Variants in NR1H3 observed in about 807,000 individuals in gnomAD.
NR1H3 encodes the protein nuclear receptor subfamily 1 group H member 3, also known as oxysterols receptor LXR-alpha.
A neutral mutation model predicts 48.1 loss-of-function variants in NR1H3; 19 were observed. The observed-to-expected ratio is 0.40, with a 90% CI of 0.28 to 0.58. NR1H3 has a LOEUF of 0.58. Among genes scored for constraint, NR1H3 ranks in the 20% least tolerant of loss-of-function variants. The pLI is 0.50. For missense variants in NR1H3, 486 were observed against 595.9 expected (o/e 0.82, Z 1.92); for synonymous variants, 232 against 227.3 (o/e 1.02, Z -0.19).
At chr11:47,261,511 CG>C (rs1955865644) in intron 5 of NR1H3, 35 bp from the exon 6 acceptor site, 2 of 1,610,310 alleles carry the variant, frequency 1.2e-6, no homozygotes, top group East Asian at 4.5e-5. Context: ...TCTTGATGTC[CG>C]ACTCAAAGCG....
Position 47,259,893 on chromosome 11 carries a change from C to G in NR1H3, c.146C>G (p.Ser49Cys). 6.2e-7 allele frequency: 1 copy of G among 1,612,802 alleles called. No homozygotes were observed. Among genetic ancestry groups the G allele is most frequent in the Non-Finnish European group, 8.5e-7 (1 of 1,179,652 alleles). ...AGAGAGGAAGCCAGGATGCCCCACTCTGCTGGGGGTACTGCAGGGGTGGGG... is the reference window on the plus strand; with the variant it reads ...AGAGAGGAAGCCAGGATGCCCCACTGTGCTGGGGGTACTGCAGGGGTGGGG... Reference protein sequence around the residue: ...ILREEARMPHSAGGTAGVGLE... With the variant: ...ILREEARMPHCAGGTAGVGLE... Residue 49 changes from serine (S) to cysteine (C), a missense_variant, in exon 3 of 10, where the codon TCT (serine) becomes TGT (cysteine). Transcript: ENST00000441012.
rs193145302 is a variant in NR1H3, at chr11:47,265,462, T to C, written c.989-2451T>C. On this transcript the variant is annotated intron_variant, in intron 7 of 9. Transcript: ENST00000441012. ...AAATCTGACAAAGCCTGGGGAACTC[T>C]GTAGGGTGCAGAGACTTTGACAATG... 2.5e-3 allele frequency among the ~76,000 whole-genome samples: 387 copies of C among 152,344 alleles called. 4 individuals carry two copies. Among genetic ancestry groups the C allele is most frequent in the African/African-American group, 8.8e-3 (367 of 41,580 alleles).
chr11:47,256,809 C>G (rs1187352628), upstream of NR1H3, among the ~76,000 whole-genome samples: 8 of 150,362 alleles, frequency 5.3e-5, no homozygotes, highest in South Asian at 1.7e-3. Context: ...CGGCTCACTG[C>G]AAGCTCTGCC....
chr11:47,268,143 G>C, intron 8 of NR1H3, 117 bp downstream of exon 8: 3 of 1,218,688 alleles, frequency 2.5e-6, no homozygotes, highest in South Asian at 2.5e-5. Context: ...GGCATTTGCT[G>C]TGTTATTTTA....
rs762534605 is a variant in NR1H3, at chr11:47,261,587, G to C, written c.749G>C (p.Arg250Pro). 6.2e-7 allele frequency: 1 copy of C among 1,614,094 alleles called. No homozygotes were observed. The highest frequency in any genetic ancestry group is 8.5e-7 in the Non-Finnish European group (1 of 1,180,046). The change falls in exon 6 of 10, where the codon CGT becomes CCT. Residue 250 changes from arginine to proline, a missense_variant. Coordinates refer to ENST00000441012, the MANE Select transcript of NR1H3 (RefSeq NM_005693.4). The part of the protein sequence containing the change: ...MAPDPHSREA[R>P]QQRFAHFTEL... ...CCAGATCCCCATAGCCGGGAGGCCC[G>C]TCAGCAGCGCTTTGCCCACTTCACT...
At chr11:47,258,976 A>T in intron 1 of NR1H3, 3 of 921,124 alleles carry the variant, frequency 3.3e-6, no homozygotes, top group Non-Finnish European at 4.5e-6. Context: ...AGGAATTCCT[A>T]GACTAGCCTG....
Position 47,261,263 on chromosome 11 carries a change from C to A in NR1H3, c.522C>A (p.Ile174=). 1 of 1,587,596 alleles carries A rather than the reference C, an allele frequency of 6.3e-7. No individual in the cohort carries two copies. The highest frequency in any genetic ancestry group is 8.6e-7 in the Non-Finnish European group (1 of 1,163,642). ...REECVLSEEQ[I]RLKKLKRQEE... ...TAGGTGTCCTGTCAGAAGAACAGAT[C>A]CGCCTGAAGAAACTGAAGCGGCAAG... Residue 174 remains isoleucine, a synonymous_variant, in exon 5 of 10, where the codon ATC becomes ATA. Coordinates refer to ENST00000441012, the MANE Select transcript of NR1H3 (RefSeq NM_005693.4).
rs766784809 is a variant in NR1H3, at chr11:47,267,979, A to G, written c.1055A>G (p.Asn352Ser). ...AGGGCCATGAATGAGCTGCAACTCA[A>G]TGATGCCGAGTTTGCCTTGCTCATT... ...FSRAMNELQL[N>S]DAEFALLIAI... Residue 352 changes from asparagine (N) to serine (S), a missense_variant, in exon 8 of 10, where the codon AAT becomes AGT. By Grantham distance (46) the Asn-to-Ser change is conservative (BLOSUM62 1). Transcript: ENST00000441012. 6 of 1,613,962 alleles carry G rather than the reference A, an allele frequency of 3.7e-6. No individual in the cohort carries two copies. Among genetic ancestry groups the G allele is most frequent in the Admixed American group, 1.7e-5 (1 of 60,000 alleles).
At chr11:47,255,215 G>T (rs1954968812), upstream of NR1H3, among the ~76,000 whole-genome samples, 1 of 152,206 alleles carries the variant, frequency 6.6e-6, no homozygotes, top group Admixed American at 6.5e-5. Context: ...ACAGCAAAGG[G>T]ACTGGAGTGA....
chr11:47,259,577 G>A (rs1179050984), intron 2 of NR1H3: 2 of 1,458,254 alleles, frequency 1.4e-6, no homozygotes, highest in Admixed American at 5.3e-5. Flanking sequence ...AAGGGACAAG[G>A]ATTAACATCT....
At chr11:47,248,674 A>T (rs753071565), upstream of NR1H3, 1 of 1,609,698 alleles carries the variant, frequency 6.2e-7, no homozygotes, top group South Asian at 1.1e-5. Context: ...ATCTCTCATT[A>T]CCAAGGTAAC....
In NR1H3 at chr11:47,265,820, C is replaced by T. The variant is rs139480721; in HGVS notation, c.989-2093C>T. On this transcript the variant is annotated intron_variant, in intron 7 of 9. Transcript: ENST00000441012. ...CTGGGAGGCAGAGCTTGCAGTGAGC[C>T]GAGATCATGCAACTGCACTCTAGTC... 1.3e-3 allele frequency among the ~76,000 whole-genome samples: 192 copies of T among 152,216 alleles called. 2 individuals are homozygous for T. The highest frequency in any genetic ancestry group is 4.5e-3 in the African/African-American group (186 of 41,532).
upstream of NR1H3, chr11:47,248,762 G>T (rs41275182): frequency 1.1e-5 from 18 of 1,601,372 alleles, no homozygotes; most frequent in Non-Finnish European, 1.5e-5. Context: ...AGAGCCGCCC[G>T]GCTCCAGCCG....
rs1955722189 is a variant in NR1H3 at position 47,260,496 on chromosome 11, G to C, written c.320G>C (p.Gly107Ala). The change falls in exon 4 of 10, where the codon GGC becomes GCC. Residue 107 changes from glycine (G) to alanine (A), a missense_variant. Transcript: ENST00000441012. The part of the protein sequence containing the change: ...LCSVCGDKAS[G>A]FHYNVLSCEG... ...AGCGTGTGTGGGGACAAGGCCTCGGGCTTCCACTACAATGTTCTGAGCTGC... is the reference window on the plus strand; with the variant it reads ...AGCGTGTGTGGGGACAAGGCCTCGGCCTTCCACTACAATGTTCTGAGCTGC... The C allele has an allele frequency of 6.2e-7, 1 of 1,614,274 alleles. No individual in the cohort carries two copies. Among genetic ancestry groups the C allele is most frequent in the Non-Finnish European group, 8.5e-7 (1 of 1,180,048 alleles).
intron 1 of NR1H3, 135 bp from the exon 2 acceptor site, chr11:47,259,045 T>A: frequency 6.9e-7 from 1 of 1,450,366 alleles, no homozygotes; most frequent in Non-Finnish European, 9.3e-7. Context: ...AAAGCCTTAG[T>A]ACAGGCTAAT....
At chr11:47,262,115 C>G (rs1275979014) in intron 7 of NR1H3, 97 bp downstream of exon 7, 1 of 872,408 alleles carries the variant, frequency 1.1e-6, no homozygotes, top group East Asian at 2.6e-5. Context: ...CGCGGTGGCT[C>G]ATGCCTGTAA....
At chr11:47,249,647 G>A (rs187275446) in intron 1 of NR1H3, among the ~76,000 whole-genome samples, 33 of 152,280 alleles carry the variant, frequency 2.2e-4, no homozygotes, top group African/African-American at 7.7e-4. Flanking sequence ...TGGCCCTCTT[G>A]GCATTGACCA....
chr11:47,255,656 T>C (rs1377065773), upstream of NR1H3, among the ~76,000 whole-genome samples: 1 of 147,762 alleles, frequency 6.8e-6, no homozygotes, highest in African/African-American at 2.5e-5. Context: ...TTTCTCTTTC[T>C]CTCTCTCTCT....
upstream of NR1H3, among the ~76,000 whole-genome samples, chr11:47,257,038 A>G (rs976612484): frequency 6.6e-6 from 1 of 152,088 alleles, no homozygotes; most frequent in South Asian, 2.1e-4. Flanking sequence ...CCGAGAATAT[A>G]TTATATTTTT....
Sources: gnomAD v4.1 joint callset for allele counts (sites outside exome capture counted in the v4.1 genomes callset) on GRCh38, gnomAD v4.1.1 for gene constraint, MANE v1.5 for transcripts, NCBI Gene and HGNC (gene_info 2026-07-23, HGNC 2026-07-21) for gene names.